Variants in DNLZ observed in about 807,000 individuals in gnomAD.
The protein encoded by DNLZ is DNL-type zinc finger, also known as DNL-type zinc finger protein.
In DNLZ, 15 loss-of-function variants were observed where a neutral mutation model predicts 7.8. That is an observed-to-expected ratio of 1.91 (90% CI 1.28 to 2.95). DNLZ has a LOEUF of 2.95. Among genes scored for constraint, DNLZ ranks in the 30% most tolerant of loss-of-function variants. The pLI is 0.00. For synonymous variants in DNLZ, 123 were observed against 77.8 expected, an observed-to-expected ratio of 1.58 and a Z score of -3.05; for missense variants, 255 against 167.3, an observed-to-expected ratio of 1.52 and a Z score of -2.89.
At chr9:136,362,273 G>T in intron 2 of DNLZ, 93 bp from the exon 3 acceptor site, 1 of 1,159,870 alleles carries the variant, frequency 8.6e-7, no homozygotes, top group Admixed American at 3.6e-5. Context: ...GGCCAGAGCT[G>T]CAAGCACCAG....
rs762675970 is a variant in DNLZ at position 136,363,481 on chromosome 9, G to A, written c.228+6C>T. On this transcript the variant is annotated splice_donor_region_variant and intron_variant, in intron 1 of 2. Coordinates refer to ENST00000371738, the MANE Select transcript of DNLZ (RefSeq NM_001080849.3). Reference sequence around the variant, plus strand: ...TGTCCCCGGTTCCGTCCCGCCGCGCGCCTACCTTGCAGGTGTAGACGAGCT... The same window carrying A: ...TGTCCCCGGTTCCGTCCCGCCGCGCACCTACCTTGCAGGTGTAGACGAGCT... 3.9e-6 allele frequency: 3 copies of A among 761,450 alleles called. No individual in the cohort carries two copies. The highest frequency in any genetic ancestry group is 4.9e-5 in the East Asian group (2 of 41,134). The allele number at this position is 761,450 out of a possible 1,614,324, so 47.2% of individuals were successfully genotyped here.
At position 136,361,997 on chromosome 9, in the gene DNLZ, C is replaced by T. The variant is rs750287134; in HGVS notation, c.*15G>A. 1.5e-5 allele frequency: 19 copies of T among 1,287,584 alleles called. No homozygotes were observed. Among genetic ancestry groups the T allele is most frequent in the Admixed American group, 3.7e-5 (1 of 27,138 alleles). The allele number at this position is 1,287,584 out of a possible 1,614,324, so 79.8% of individuals were successfully genotyped here. A position where few individuals can be genotyped will look rare whatever the true frequency, so the allele number is the denominator to read the frequency against. On this transcript the variant is annotated 3_prime_UTR_variant, in exon 3 of 3. Coordinates refer to ENST00000371738, the MANE Select transcript of DNLZ (RefSeq NM_001080849.3). Reference sequence around the variant, plus strand: ...CTGGAAGGCCGAAGTCCCACAGTGCCGGGGAGCGCAGGAGTCAGCTCGGCT... The same window carrying T: ...CTGGAAGGCCGAAGTCCCACAGTGCTGGGGAGCGCAGGAGTCAGCTCGGCT...
rs541927353 is a variant in DNLZ at position 136,360,152 on chromosome 9, T to G, written c.*1860A>C. The G allele has an allele frequency of 6.6e-6, 1 of 152,414 alleles. No individual in the cohort carries two copies. Among genetic ancestry groups the G allele is most frequent in the African/African-American group, 2.4e-5 (1 of 41,588 alleles). 9.4% of individuals were successfully genotyped at this position (152,414 alleles called of 1,614,324 possible). A position where few individuals can be genotyped will look rare whatever the true frequency, so the allele number is the denominator to read the frequency against. ...CTGCTGCCCCTCGCCACAGCCCACC[T>G]GGCCATGTTGGCAGCCACAGCCTCT... On this transcript the variant is annotated 3_prime_UTR_variant, in exon 3 of 3. Transcript: ENST00000371738.
intron 2 of DNLZ, 143 bp downstream of exon 2, chr9:136,362,846 T>C: frequency 1.4e-6 from 1 of 691,366 alleles, no homozygotes; most frequent in African/African-American, 1.8e-5. Context: ...GAAATTCTCA[T>C]TTAACTGTGT....
Position 136,360,099 on chromosome 9 carries a change from A to C in DNLZ, c.*1913T>G, listed in dbSNP as rs967892749. 1 of 152,264 alleles carries C rather than the reference A, an allele frequency of 6.6e-6. No individual in the cohort carries two copies. Among genetic ancestry groups the C allele is most frequent in the African/African-American group, 2.4e-5 (1 of 41,448 alleles). The allele number at this position is 152,264 out of a possible 1,614,324, so 9.4% of individuals were successfully genotyped here. On this transcript the variant is annotated 3_prime_UTR_variant, in exon 3 of 3. Transcript: ENST00000371738. The stretch of plus-strand genomic sequence containing the variant: ...GTGGCACCCCCACGGGGCCCCCGTC[A>C]GGGGACACACAGGTGCGCCGGGCAG...
chr9:136,361,936 G>T lies in DNLZ; in HGVS notation c.*76C>A. On this transcript the variant is annotated 3_prime_UTR_variant, in exon 3 of 3. Coordinates refer to ENST00000371738, the MANE Select transcript of DNLZ (RefSeq NM_001080849.3). ...ATGTCTGTTTATTGATAGAAAACAG[G>T]CCACGTCCAGAGAGGCCCAGGGCCA... 1 of 1,099,704 alleles carries T rather than the reference G, an allele frequency of 9.1e-7. No individual in the cohort carries two copies. The highest frequency in any genetic ancestry group is 1.2e-6 in the Non-Finnish European group (1 of 858,988). 68.1% of individuals were successfully genotyped at this position (1,099,704 alleles called of 1,614,324 possible). A position where few individuals can be genotyped will look rare whatever the true frequency, so the allele number is the denominator to read the frequency against.
At chr9:136,362,916 G>A (rs1833007839) in intron 2 of DNLZ, 73 bp downstream of exon 2, 1 of 1,461,556 alleles carries the variant, frequency 6.8e-7, no homozygotes, top group African/African-American at 1.4e-5. Flanking sequence ...TCAACACTAG[G>A]GCAAGGTTCC....
Position 136,362,080 on chromosome 9 carries a change from A to C in DNLZ, c.469T>G (p.Ser157Ala). ...TCACCCGCTTCCGGAGCTGCAGTGG[A>C]TGTGGGGGCCCCTGCAGCCTCCAGA... ...LVLEAAGAPT[S>A]TAAPEAGEDE... The change falls in exon 3 of 3, where the codon TCC becomes GCC. Residue 157 changes from serine to alanine, a missense_variant. Physicochemically the swap from Ser to Ala is moderately conservative, Grantham distance 99 (BLOSUM62 1). Transcript: ENST00000371738. 6.9e-7 allele frequency: 1 copy of C among 1,453,926 alleles called. No homozygotes were observed. The highest frequency in any genetic ancestry group is 9.1e-7 in the Non-Finnish European group (1 of 1,098,836). The allele number at this position is 1,453,926 out of a possible 1,614,324, so 90.1% of individuals were successfully genotyped here.
At chr9:136,362,240 C>G (rs1301308810) in intron 2 of DNLZ, 60 bp from the exon 3 acceptor site, 1 of 1,377,478 alleles carries the variant, frequency 7.3e-7, no homozygotes, top group Non-Finnish European at 9.5e-7. Flanking sequence ...GCACTTCAGT[C>G]CCCTCAGGGC....
In DNLZ at chr9:136,360,316, C is replaced by T. The variant is rs534279310; in HGVS notation, c.*1696G>A. 1.1e-3 allele frequency: 169 copies of T among 152,378 alleles called. No homozygotes were observed. Among genetic ancestry groups the T allele is most frequent in the Admixed American group, 2.2e-3 (33 of 15,304 alleles). 9.4% of individuals were successfully genotyped at this position (152,378 alleles called of 1,614,324 possible). On this transcript the variant is annotated 3_prime_UTR_variant, in exon 3 of 3. Transcript: ENST00000371738. ...CAGGGTCCAAGTAACCGTGCAGGGC[C>T]CAGGACCGCGCACAGCCAGGGAAGC...
In DNLZ at chr9:136,360,668, G is replaced by A. The variant is rs1039936875; in HGVS notation, c.*1344C>T. The A allele has an allele frequency of 1.3e-5, 2 of 152,126 alleles. No homozygotes were observed. The highest frequency in any genetic ancestry group is 3.9e-4 in the East Asian group (2 of 5,172). The allele number at this position is 152,126 out of a possible 1,614,324, so 9.4% of individuals were successfully genotyped here. A position where few individuals can be genotyped will look rare whatever the true frequency, so the allele number is the denominator to read the frequency against. On this transcript the variant is annotated 3_prime_UTR_variant, in exon 3 of 3. Coordinates refer to ENST00000371738, the MANE Select transcript of DNLZ (RefSeq NM_001080849.3). The stretch of plus-strand genomic sequence containing the variant: ...CTAGGAACGTGCCAGCCTTGGGAAG[G>A]ATTTCCCTCCAGGGCCAGCCTGGGC...
In DNLZ at chr9:136,360,623, G is replaced by A. The variant is rs923471899; in HGVS notation, c.*1389C>T. ...CTGGCGGGATGCTTCTGGCACGCGG[G>A]GGGTAGCCATAGGTCTTCTCTAGGA... On this transcript the variant is annotated 3_prime_UTR_variant, in exon 3 of 3. Coordinates refer to ENST00000371738, the MANE Select transcript of DNLZ (RefSeq NM_001080849.3). 1.3e-4 allele frequency: 20 copies of A among 152,112 alleles called. No individual in the cohort carries two copies. The highest frequency in any genetic ancestry group is 2.2e-4 in the African/African-American group (9 of 41,376). 9.4% of individuals were successfully genotyped at this position (152,112 alleles called of 1,614,324 possible).
At position 136,361,881 on chromosome 9, in the gene DNLZ, G is replaced by C. The variant is rs1367288550; in HGVS notation, c.*131C>G. On this transcript the variant is annotated 3_prime_UTR_variant, in exon 3 of 3. Coordinates refer to ENST00000371738, the MANE Select transcript of DNLZ (RefSeq NM_001080849.3). ...CTAACTCCAGAAAAAGAAAGGCCAC[G>C]AGGGCCACAGGCCCCAGCATCTGGA... 1 of 676,822 alleles carries C rather than the reference G, an allele frequency of 1.5e-6. No homozygotes were observed. The highest frequency in any genetic ancestry group is 2.1e-6 in the Non-Finnish European group (1 of 479,180). The allele number at this position is 676,822 out of a possible 1,614,324, so 41.9% of individuals were successfully genotyped here.
In DNLZ at chr9:136,360,972, G is replaced by C. The variant is rs530365053; in HGVS notation, c.*1040C>G. The C allele has an allele frequency of 3.2e-4, 49 of 152,272 alleles. No individual in the cohort carries two copies. The highest frequency in any genetic ancestry group is 1.1e-3 in the African/African-American group (45 of 41,450). The allele number at this position is 152,272 out of a possible 1,614,324, so 9.4% of individuals were successfully genotyped here. ...CCATGGAGGAGCAGGCCTGGGTGCCGGTGGCTCAGCCGAGAAGAGGACAGT... is the reference window on the plus strand; with the variant it reads ...CCATGGAGGAGCAGGCCTGGGTGCCCGTGGCTCAGCCGAGAAGAGGACAGT... On this transcript the variant is annotated 3_prime_UTR_variant, in exon 3 of 3. Transcript: ENST00000371738.
intron 2 of DNLZ, 70 bp downstream of exon 2, chr9:136,362,919 A>T: frequency 6.8e-7 from 1 of 1,480,596 alleles, no homozygotes; most frequent in Non-Finnish European, 9.4e-7. Flanking sequence ...ACACTAGGGC[A>T]AGGTTCCCCC....
At chr9:136,362,736 G>T (rs1833003183) in intron 2 of DNLZ, among the ~76,000 whole-genome samples, 1 of 152,202 alleles carries the variant, frequency 6.6e-6, no homozygotes, top group African/African-American at 2.4e-5. Context: ...GGCAGGCAGA[G>T]GCAGGGAGGC....
In DNLZ at chr9:136,361,737, G is replaced by A. The variant is rs374920581; in HGVS notation, c.*275C>T. 5.4e-4 allele frequency: 194 copies of A among 357,804 alleles called. 2 individuals are homozygous for A. The highest frequency in any genetic ancestry group is 3.2e-3 in the African/African-American group (156 of 48,050). 22.2% of individuals were successfully genotyped at this position (357,804 alleles called of 1,614,324 possible). ...GCCACATCCAGCCCCCTTTCCACGCGACTGTGGCCTCTGTGGGCAAGAGCT... is the reference window on the plus strand; with the variant it reads ...GCCACATCCAGCCCCCTTTCCACGCAACTGTGGCCTCTGTGGGCAAGAGCT... On this transcript the variant is annotated 3_prime_UTR_variant, in exon 3 of 3. Coordinates refer to ENST00000371738, the MANE Select transcript of DNLZ (RefSeq NM_001080849.3).
chr9:136,362,509 C>G (rs1832998847), intron 2 of DNLZ, among the ~76,000 whole-genome samples: 2 of 152,218 alleles, frequency 1.3e-5, no homozygotes, highest in South Asian at 4.1e-4. Context: ...TGGTCTCAGA[C>G]CTGCTGTCGC....
In DNLZ at chr9:136,363,111, G is replaced by T. The variant is rs746741316; in HGVS notation, c.246C>A (p.Ser82=). 6 of 1,613,462 alleles carry T rather than the reference G, an allele frequency of 3.7e-6. No individual in the cohort carries two copies. The South Asian group carries it at 6.6e-5, about 18-fold the overall frequency. ...VYTCKVCGTR[S]SKRISKLAYH... Reference sequence around the variant, plus strand: ...AGGCCAGCTTGGAGATGCGCTTGGAGGACCTAGTCCCGCAGACCTGGCTGG... The same window carrying T: ...AGGCCAGCTTGGAGATGCGCTTGGATGACCTAGTCCCGCAGACCTGGCTGG... Residue 82 remains serine, a synonymous_variant, in exon 2 of 3, where the codon TCC becomes TCA. Coordinates refer to ENST00000371738, the MANE Select transcript of DNLZ (RefSeq NM_001080849.3).
Sources: allele counts gnomAD v4.1 joint callset (sites outside exome capture counted in the v4.1 genomes callset), GRCh38; gene constraint gnomAD v4.1.1; transcripts MANE v1.5; gene names NCBI Gene and HGNC (gene_info 2026-07-23, HGNC 2026-07-21).